AXDND1: variants seen among roughly 807,000 people sequenced by gnomAD.
The protein encoded by AXDND1 is axonemal dynein light chain domain containing 1.
Under a neutral mutation model 137.5 loss-of-function variants are expected in AXDND1, and 110 were observed. The ratio of observed to expected loss-of-function variants is 0.80; its 90% CI spans 0.69 to 0.94. AXDND1 has a LOEUF of 0.94. Ranked by LOEUF, AXDND1 falls within the 40% of genes least tolerant of loss-of-function variation. AXDND1 has a pLI of 0.00. For missense variants in AXDND1, 1,191 were observed against 1,169.8 expected (o/e 1.02, Z -0.26); for synonymous variants, 414 against 399.7 (o/e 1.04, Z -0.43).
chr1:179,430,670 T>C, intron 14 of AXDND1, 64 bp downstream of exon 14: 1 of 1,511,752 alleles, frequency 6.6e-7, no homozygotes, highest in Non-Finnish European at 9.0e-7. Flanking sequence ...TCAAATTCTC[T>C]GTGTTCCTCC....
At chr1:179,416,215 C>T (rs945673964) in intron 12 of AXDND1, among the ~76,000 whole-genome samples, 1 of 152,154 alleles carries the variant, frequency 6.6e-6, no homozygotes, top group Non-Finnish European at 1.5e-5. Flanking sequence ...TGGCTTATTT[C>T]ACTTAACAAA....
intron 20 of AXDND1, among the ~76,000 whole-genome samples, chr1:179,495,096 C>T (rs564027045): frequency 1.3e-5 from 2 of 152,122 alleles, no homozygotes; most frequent in Non-Finnish European, 2.9e-5. Context: ...TCCAAACTGC[C>T]TTCATTACTA....
chr1:179,495,145 C>T (rs1384905009), intron 20 of AXDND1, among the ~76,000 whole-genome samples: 1 of 152,002 alleles, frequency 6.6e-6, no homozygotes, highest in Non-Finnish European at 1.5e-5. Context: ...TAATATAAAT[C>T]CTCCAAATTT....
At chr1:179,480,900 C>CT (rs1367858587) in intron 17 of AXDND1, among the ~76,000 whole-genome samples, 11 of 145,698 alleles carry the variant, frequency 7.5e-5, no homozygotes, top group African/African-American at 2.5e-4. Context: ...CTATTGTTTT[C>CT]TTTTTTGTTT....
chr1:179,480,248 G>A (rs1031683722), intron 17 of AXDND1, among the ~76,000 whole-genome samples: 2 of 152,178 alleles, frequency 1.3e-5, no homozygotes, highest in Non-Finnish European at 2.9e-5. Context: ...GGGTTTAATT[G>A]ACTCAGAGTT....
At chr1:179,418,947 GC>G (rs1373856663) in intron 12 of AXDND1, among the ~76,000 whole-genome samples, 2 of 151,558 alleles carry the variant, frequency 1.3e-5, no homozygotes, top group Non-Finnish European at 2.9e-5. Flanking sequence ...CGGGGTCGCC[GC>G]CGGGCAGAGG....
chr1:179,494,644 G>C (rs1667267794), intron 20 of AXDND1, among the ~76,000 whole-genome samples: 1 of 151,888 alleles, frequency 6.6e-6, no homozygotes, highest in African/African-American at 2.4e-5. Context: ...GAGTAGCCAG[G>C]ATTACAGACA....
intron 20 of AXDND1, among the ~76,000 whole-genome samples, chr1:179,503,687 A>G (rs1341807274): frequency 2.6e-5 from 4 of 151,966 alleles, no homozygotes; most frequent in Admixed American, 1.3e-4. Flanking sequence ...TATATTTCCT[A>G]ATGCCATCCC....
At chr1:179,525,470 T>C in intron 22 of AXDND1, 23 bp downstream of exon 22, 1 of 1,569,106 alleles carries the variant, frequency 6.4e-7, no homozygotes. Flanking sequence ...GGTATTTGTT[T>C]TTCCTCCTAC....
At chr1:179,524,161 A>T (rs779260119) in intron 21 of AXDND1, among the ~76,000 whole-genome samples, 3 of 152,144 alleles carry the variant, frequency 2.0e-5, no homozygotes, top group Admixed American at 6.6e-5. Context: ...TGCATGTAAA[A>T]TTATCTTTTT....
chr1:179,554,623 AC>A lies in AXDND1; in HGVS notation c.*105del. On this transcript the variant is annotated 3_prime_UTR_variant, in exon 26 of 26. Transcript: ENST00000367618. ...GGTGGCCATTGTTCTGTACTAAGGA[AC>A]AACATTCCCTTTGAAAGGACATTAT... The A allele has an allele frequency of 1.9e-6, 3 of 1,539,808 alleles. No homozygotes were observed. Among genetic ancestry groups the A allele is most frequent in the Non-Finnish European group, 2.7e-6 (3 of 1,113,480 alleles).
Position 179,381,985 on chromosome 1 carries a change from G to A in AXDND1, c.582-715G>A, listed in dbSNP as rs564456376. 4.3e-3 allele frequency among the ~76,000 whole-genome samples: 639 copies of A among 147,930 alleles called. 3 individuals are homozygous for A. Among genetic ancestry groups the A allele is most frequent in the Non-Finnish European group, 4.8e-3 (322 of 67,202 alleles). ...TTTTTTGTATTTTTAGTAGCGACGGGGTTTCACCATGTTGGCCAGGCTGGT... is the reference window on the plus strand; with the variant it reads ...TTTTTTGTATTTTTAGTAGCGACGGAGTTTCACCATGTTGGCCAGGCTGGT... On this transcript the variant is annotated intron_variant, in intron 6 of 25. Coordinates refer to ENST00000367618, the MANE Select transcript of AXDND1 (RefSeq NM_144696.6).
intron 22 of AXDND1, among the ~76,000 whole-genome samples, chr1:179,525,727 C>T (rs1206632366): frequency 6.6e-6 from 1 of 151,994 alleles, no homozygotes; most frequent in Non-Finnish European, 1.5e-5. Flanking sequence ...GAACTGGTCT[C>T]AAGCGATCCT....
At chr1:179,509,441 T>G in intron 21 of AXDND1, 38 bp downstream of exon 21, 1 of 1,297,014 alleles carries the variant, frequency 7.7e-7, no homozygotes. Context: ...TTATTCAGAT[T>G]ATTCCTGTAT....
rs192887127 is a variant in AXDND1 at position 179,372,547 on chromosome 1, A to G, written c.374+2469A>G. Among the ~76,000 whole-genome samples, 181 of 152,220 alleles carry G rather than the reference A, an allele frequency of 1.2e-3. 1 individual carries two copies. Among genetic ancestry groups the G allele is most frequent in the Admixed American group, 0.011 (172 of 15,278 alleles). On this transcript the variant is annotated intron_variant, in intron 4 of 25. Coordinates refer to ENST00000367618, the MANE Select transcript of AXDND1 (RefSeq NM_144696.6). The stretch of plus-strand genomic sequence containing the variant: ...AAAGACAAATAAATAAAATCCAGTT[A>G]TTATGTTATGATTAAGAATCAAAGT...
chr1:179,435,807 G>GC (rs1658069820), intron 15 of AXDND1, among the ~76,000 whole-genome samples: 1 of 152,112 alleles, frequency 6.6e-6, no homozygotes, highest in Non-Finnish European at 1.5e-5. Flanking sequence ...AATGCCAAAA[G>GC]CAATTGCAAC....
intron 21 of AXDND1, among the ~76,000 whole-genome samples, chr1:179,522,323 T>C (rs762309711): frequency 2.0e-5 from 3 of 152,194 alleles, no homozygotes; most frequent in Non-Finnish European, 2.9e-5. Context: ...TTTGATTCTT[T>C]TTCAAGTCTC....
intron 11 of AXDND1, among the ~76,000 whole-genome samples, chr1:179,400,410 G>A (rs1477213621): frequency 6.6e-6 from 1 of 151,882 alleles, no homozygotes; most frequent in Non-Finnish European, 1.5e-5. Flanking sequence ...ATACACTTTG[G>A]GGACTTGGGG....
chr1:179,394,493 G>A (rs1048170425), intron 10 of AXDND1, among the ~76,000 whole-genome samples: 1 of 152,058 alleles, frequency 6.6e-6, no homozygotes, highest in Admixed American at 6.6e-5. Flanking sequence ...GGGAGGTTGA[G>A]GCAGGAGAAT....
Sources: allele counts gnomAD v4.1 joint callset (sites outside exome capture counted in the v4.1 genomes callset), GRCh38; gene constraint gnomAD v4.1.1; transcripts MANE v1.5; gene names NCBI Gene and HGNC (gene_info 2026-07-23, HGNC 2026-07-21).